Variants in ZNF536 observed in about 807,000 individuals in gnomAD.
The protein encoded by ZNF536 is zinc finger protein 536.
Under a neutral mutation model 84.5 loss-of-function variants are expected in ZNF536, and 13 were observed. The observed-to-expected ratio is 0.15, with a 90% CI of 0.10 to 0.24. The LOEUF is 0.24. Among genes scored for constraint, ZNF536 ranks in the 10% least tolerant of loss-of-function variants. The probability of loss-of-function intolerance (pLI) is 1.00; values close to 1 mark genes in which losing one functional copy is unlikely to be tolerated. For missense variants in ZNF536, 1,536 were observed against 1,747.5 expected (o/e 0.88, Z 2.16); for synonymous variants, 811 against 742.5 (o/e 1.09, Z -1.50).
chr19:30,226,352 C>A (rs1258032856), upstream of ZNF536, among the ~76,000 whole-genome samples: 1 of 151,850 alleles, frequency 6.6e-6, no homozygotes, highest in East Asian at 1.9e-4. The surrounding 1 kb of genome is among the most constrained non-coding windows in gnomAD (Gnocchi z 4.6). Context: ...GCGCTCACTG[C>A]GGGGTTCCGG....
At chr19:30,567,284 C>A (rs2046388872) in intron 1 of ZNF536, among the ~76,000 whole-genome samples, 1 of 152,196 alleles carries the variant, frequency 6.6e-6, no homozygotes, top group African/African-American at 2.4e-5. Flanking sequence ...GCCTGGGGAG[C>A]ACCGTCTTGG....
rs370377920 is a variant in ZNF536, at chr19:30,666,119, G to T, written c.170-44638G>T. Among the ~76,000 whole-genome samples, 23 of 152,308 alleles carry T rather than the reference G, an allele frequency of 1.5e-4. No individual in the cohort carries two copies. In the East Asian group the frequency reaches 3.9e-3, roughly 26 times the overall value. On this transcript the variant is annotated intron_variant, in intron 1 of 1. Coordinates refer to the ZNF536 transcript ENST00000592773. ...GCTTTAGGGTTGATCTAGACAGAAGGTGCCTATCTGCAGACATGCCACAGA... is the reference window on the plus strand; with the variant it reads ...GCTTTAGGGTTGATCTAGACAGAAGTTGCCTATCTGCAGACATGCCACAGA...
chr19:30,352,990 C>T (rs575328911), intron 3 of ZNF536, among the ~76,000 whole-genome samples: 2 of 152,278 alleles, frequency 1.3e-5, no homozygotes, highest in South Asian at 2.1e-4. Flanking sequence ...TTATTCTGCA[C>T]CATGATTCAT....
chr19:30,390,858 C>T (rs1428374544), intron 1 of ZNF536, among the ~76,000 whole-genome samples: 2 of 152,214 alleles, frequency 1.3e-5, no homozygotes, highest in Non-Finnish European at 2.9e-5. Flanking sequence ...ATCTCAAACC[C>T]AGCCTGGGAC....
chr19:30,226,360 CG>C (rs974239429), upstream of ZNF536, among the ~76,000 whole-genome samples: 13 of 151,972 alleles, frequency 8.6e-5, no homozygotes, highest in African/African-American at 2.4e-4. The surrounding 1 kb of genome is among the most constrained non-coding windows in gnomAD (Gnocchi z 4.6). Flanking sequence ...TGCGGGGTTC[CG>C]GCCCCTCCGC....
intron 1 of ZNF536, among the ~76,000 whole-genome samples, chr19:30,666,195 AG>A (rs1322248795): frequency 6.6e-6 from 1 of 152,188 alleles, no homozygotes; most frequent in Non-Finnish European, 1.5e-5. Context: ...GTCTCCCAGG[AG>A]GTTCTGAGCT....
intron 1 of ZNF536, among the ~76,000 whole-genome samples, chr19:30,591,156 G>A (rs1028593976): frequency 2.0e-5 from 3 of 152,238 alleles, no homozygotes; most frequent in Admixed American, 6.5e-5. Context: ...GATACTAGCA[G>A]AGGAAAAGTG....
intron 4 of ZNF536, among the ~76,000 whole-genome samples, chr19:30,553,685 G>T (rs1242686245): frequency 6.6e-6 from 1 of 152,200 alleles, no homozygotes; most frequent in Non-Finnish European, 1.5e-5. Flanking sequence ...CAGGCTGAGG[G>T]CAGGCACTGC....
At chr19:30,503,749 C>G (rs11879284) in intron 2 of ZNF536, among the ~76,000 whole-genome samples, 18,076 of 152,168 alleles carry the variant, frequency 0.12, 1,326 homozygotes, top group East Asian at 0.29. Context: ...CATCCCCTAT[C>G]TCCCTGGCGC....
chr19:30,305,714 C>T (rs975841685), intron 2 of ZNF536, among the ~76,000 whole-genome samples: 2 of 152,140 alleles, frequency 1.3e-5, no homozygotes, highest in African/African-American at 2.4e-5. Context: ...GTTTGGGAGC[C>T]CACTGTTCAA....
At chr19:30,453,404 A>G (rs1448299401) in intron 2 of ZNF536, among the ~76,000 whole-genome samples, 9 of 152,072 alleles carry the variant, frequency 5.9e-5, no homozygotes, top group South Asian at 2.1e-4. Flanking sequence ...TGTATTTTCC[A>G]TCTATTTGTT....
At chr19:30,696,222 G>GC (rs1340472615) in intron 1 of ZNF536, among the ~76,000 whole-genome samples, 1 of 152,062 alleles carries the variant, frequency 6.6e-6, no homozygotes, top group Non-Finnish European at 1.5e-5. Context: ...CTCTCCCCCA[G>GC]CCCCCGCAAT....
At chr19:30,707,323 C>T (rs2052283418) in intron 1 of ZNF536, among the ~76,000 whole-genome samples, 1 of 152,148 alleles carries the variant, frequency 6.6e-6, no homozygotes, top group Non-Finnish European at 1.5e-5. Flanking sequence ...TCATGAAGAA[C>T]AGGGACCATT....
rs562786435 is a variant in ZNF536, at chr19:30,235,205, G to A, written c.-190+6532G>A. On this transcript the variant is annotated intron_variant, in intron 1 of 5. Coordinates refer to the ZNF536 transcript ENST00000585628. ...AAGGGCCTCCCTTGGGGCAGCTTCC[G>A]CAGTGGGCAAACTGAGGGGTGTAGG... is the stretch of plus-strand genomic sequence containing the variant. Among the ~76,000 whole-genome samples, 575 of 152,274 alleles carry A rather than the reference G, an allele frequency of 3.8e-3. 9 individuals carry two copies. The highest frequency in any genetic ancestry group is 0.013 in the African/African-American group (544 of 41,560).
chr19:30,353,350 T>C (rs1399315724), intron 3 of ZNF536, among the ~76,000 whole-genome samples: 1 of 151,932 alleles, frequency 6.6e-6, no homozygotes, highest in East Asian at 1.9e-4. Context: ...AGGAGAAAAA[T>C]ATCTGCAGCG....
intron 3 of ZNF536, among the ~76,000 whole-genome samples, chr19:30,361,015 G>C (rs2048256519): frequency 1.3e-5 from 2 of 152,198 alleles, no homozygotes; most frequent in African/African-American, 4.8e-5. Context: ...AGTCTCTGTT[G>C]ATTGTTTCTA....
intron 2 of ZNF536, among the ~76,000 whole-genome samples, chr19:30,459,688 T>C (rs2053043500): frequency 6.6e-6 from 1 of 151,862 alleles, no homozygotes; most frequent in Non-Finnish European, 1.5e-5. Context: ...GCTCACGGGG[T>C]CGGCCTCACT....
chr19:30,501,974 C>A (rs1200497765), intron 2 of ZNF536, among the ~76,000 whole-genome samples: 1 of 152,164 alleles, frequency 6.6e-6, no homozygotes, highest in Non-Finnish European at 1.5e-5. Flanking sequence ...CCAGGGGAGA[C>A]ACTTTGGGAT....
chr19:30,557,040 A>T (rs1328375800), intron 4 of ZNF536, 117 bp from the exon 5 acceptor site: 1 of 1,161,622 alleles, frequency 8.6e-7, no homozygotes, highest in African/African-American at 1.5e-5. Flanking sequence ...TATAAATAAC[A>T]CTTTATTGTC....
Sources: gnomAD v4.1 joint callset for allele counts (sites outside exome capture counted in the v4.1 genomes callset) on GRCh38, gnomAD v4.1.1 for gene constraint, Gnocchi (gnomAD v3.1) non-coding constraint, MANE v1.5 for transcripts, NCBI Gene and HGNC (gene_info 2026-07-23, HGNC 2026-07-21) for gene names.